NPSR1: variants seen among roughly 807,000 people sequenced by gnomAD.
NPSR1 encodes neuropeptide S receptor.
In NPSR1, 48 loss-of-function variants were observed where a neutral mutation model predicts 46.9. That is an observed-to-expected ratio of 1.02 (90% CI 0.81 to 1.30). The LOEUF (loss-of-function observed/expected upper bound fraction) is 1.30. NPSR1 is among the 50% of genes most tolerant of loss of function. NPSR1 has a pLI of 0.00. For missense variants in NPSR1, 450 were observed against 449.5 expected, an observed-to-expected ratio of 1.00 and a Z score of -0.01; for synonymous variants, 176 against 168.1, an observed-to-expected ratio of 1.05 and a Z score of -0.36.
chr7:34,724,607 C>A (rs1307098001), intron 2 of NPSR1, among the ~76,000 whole-genome samples: 1 of 152,160 alleles, frequency 6.6e-6, no homozygotes, highest in Non-Finnish European at 1.5e-5. Flanking sequence ...TTGAGAATCT[C>A]TGGAGTGGAG....
At chr7:34,711,872 C>G (rs1583859489) in intron 2 of NPSR1, among the ~76,000 whole-genome samples, 1 of 152,226 alleles carries the variant, frequency 6.6e-6, no homozygotes, top group Non-Finnish European at 1.5e-5. Context: ...CTTCTCAACA[C>G]CGGCTACACA....
chr7:34,710,908 G>T, intron 2 of NPSR1: 1 of 400,476 alleles, frequency 2.5e-6, no homozygotes. Context: ...GCTTATTGAT[G>T]AAAAAGTGAA....
At chr7:34,704,812 TTC>T (rs1366656920) in intron 2 of NPSR1, among the ~76,000 whole-genome samples, 1 of 152,198 alleles carries the variant, frequency 6.6e-6, no homozygotes, top group African/African-American at 2.4e-5. Context: ...ATATTTACCT[TTC>T]TCCTATTGGT....
At chr7:34,709,224 T>A (rs1191704249) in intron 2 of NPSR1, among the ~76,000 whole-genome samples, 1 of 151,840 alleles carries the variant, frequency 6.6e-6, no homozygotes, top group Non-Finnish European at 1.5e-5. Context: ...AGGAATAGAG[T>A]GACAAAATAC....
intron 8 of NPSR1, among the ~76,000 whole-genome samples, chr7:34,858,192 A>G (rs1300448322): frequency 6.6e-6 from 1 of 151,754 alleles, no homozygotes; most frequent in African/African-American, 2.4e-5. Context: ...CTGAGTACAC[A>G]CCCTACAGAA....
chr7:34,694,369 G>A (rs1793410622), intron 2 of NPSR1, among the ~76,000 whole-genome samples: 2 of 151,954 alleles, frequency 1.3e-5, no homozygotes, highest in Non-Finnish European at 2.9e-5. Context: ...TAGTCTTCAG[G>A]CTGAGAACCA....
intron 2 of NPSR1, among the ~76,000 whole-genome samples, chr7:34,770,284 C>G (rs1287016634): frequency 6.6e-6 from 1 of 152,190 alleles, no homozygotes; most frequent in Non-Finnish European, 1.5e-5. Context: ...TCATGACATT[C>G]CTATTTGATC....
chr7:34,868,849 G>T (rs1366034948), intron 8 of NPSR1, among the ~76,000 whole-genome samples: 1 of 151,540 alleles, frequency 6.6e-6, no homozygotes, highest in African/African-American at 2.4e-5. Flanking sequence ...AACACAGATG[G>T]AGAAAGAGGT....
intron 4 of NPSR1, among the ~76,000 whole-genome samples, chr7:34,826,398 CA>C (rs958372240): frequency 1.3e-5 from 2 of 152,174 alleles, no homozygotes; most frequent in African/African-American, 4.8e-5. Context: ...AGCTCGACCA[CA>C]GTCAACACAC....
intron 2 of NPSR1, among the ~76,000 whole-genome samples, chr7:34,690,266 A>C: frequency 6.7e-6 from 1 of 148,164 alleles, no homozygotes; most frequent in East Asian, 1.9e-4. Context: ...AATAAAAGCA[A>C]ATTTAAAAAA....
chr7:34,720,865 TG>T (rs1026147783), intron 2 of NPSR1, among the ~76,000 whole-genome samples: 15 of 152,134 alleles, frequency 9.9e-5, no homozygotes, highest in African/African-American at 3.6e-4. Context: ...AAAAGAAATC[TG>T]GATACTATTT....
At chr7:34,864,376 A>T (rs916400175) in intron 8 of NPSR1, among the ~76,000 whole-genome samples, 3 of 79,256 alleles carry the variant, frequency 3.8e-5, no homozygotes, top group African/African-American at 8.6e-5. Context: ...TATAATAATA[A>T]AAAAAAAAGA....
chr7:34,878,312 G>T (rs1791623941), exon 9 of NPSR1: 2 of 528,120 alleles, frequency 3.8e-6, no homozygotes, highest in Admixed American at 3.4e-5. Flanking sequence ...ATTCACCAGG[G>T]AGGGCTATAA....
At chr7:34,717,622 G>T (rs1783644864) in intron 2 of NPSR1, among the ~76,000 whole-genome samples, 1 of 152,164 alleles carries the variant, frequency 6.6e-6, no homozygotes. Context: ...TTACCAGTTG[G>T]CATAGAACTT....
intron 1 of NPSR1, among the ~76,000 whole-genome samples, chr7:34,675,119 T>C (rs1792252294): frequency 6.6e-6 from 1 of 152,176 alleles, no homozygotes; most frequent in South Asian, 2.1e-4. Context: ...TTTCCTTACC[T>C]ATAAGATTGA....
intron 3 of NPSR1, among the ~76,000 whole-genome samples, chr7:34,799,451 T>C (rs1788363258): frequency 1.3e-5 from 2 of 152,000 alleles, no homozygotes; most frequent in Admixed American, 1.3e-4. Context: ...CAGAATTTCA[T>C]ATCCAGCCAA....
At chr7:34,785,893 G>T (rs1047180867) in intron 3 of NPSR1, among the ~76,000 whole-genome samples, 22 of 152,110 alleles carry the variant, frequency 1.4e-4, no homozygotes, top group African/African-American at 5.3e-4. Context: ...AAAATAAAAA[G>T]ATTAACAGTC....
In NPSR1 at chr7:34,790,843, A is replaced by ATGT. The variant is rs1562729630; in HGVS notation, c.384+12279_384+12280insGTT. The stretch of plus-strand genomic sequence containing the variant: ...TTATAGGTTATATGTTATGTTATAT[A>ATGT]TATGTTATATGTTATGTTATATATG... On this transcript the variant is annotated intron_variant, in intron 3 of 8. Coordinates refer to ENST00000360581, the MANE Select transcript of NPSR1 (RefSeq NM_207172.2). Among the ~76,000 whole-genome samples, 5 of 129,654 alleles carry ATGT rather than the reference A, an allele frequency of 3.9e-5. 1 individual carries two copies. The highest frequency in any genetic ancestry group is 1.4e-4 in the African/African-American group (5 of 35,660). 85.1% of individuals were successfully genotyped at this position (129,654 alleles called of 152,430 possible).
chr7:34,666,720 A>C (rs577617410), intron 1 of NPSR1, among the ~76,000 whole-genome samples: 35 of 152,228 alleles, frequency 2.3e-4, no homozygotes, highest in Non-Finnish European at 4.3e-4. Context: ...ATTGAAGCCA[A>C]GATCTTAAAA....
Sources: allele counts gnomAD v4.1 joint callset (sites outside exome capture counted in the v4.1 genomes callset), GRCh38; gene constraint gnomAD v4.1.1; transcripts MANE v1.5; gene names NCBI Gene and HGNC (gene_info 2026-07-23, HGNC 2026-07-21).